Variants in KCNIP4 observed in about 807,000 individuals in gnomAD.
KCNIP4 encodes the protein Kv channel-interacting protein 4.
A neutral mutation model predicts 34.0 loss-of-function variants in KCNIP4; 12 were observed. The ratio of observed to expected loss-of-function variants is 0.35; its 90% CI spans 0.23 to 0.57. The LOEUF is 0.57. Among genes scored for constraint, KCNIP4 ranks in the 20% least tolerant of loss-of-function variants. The pLI is 0.83. For missense variants in KCNIP4, 238 were observed against 311.7 expected (o/e 0.76, Z 1.78); for synonymous variants, 124 against 102.2 (o/e 1.21, Z -1.29).
chr4:21,348,668 G>C (rs1281504194), intron 1 of KCNIP4, among the ~76,000 whole-genome samples: 1 of 152,150 alleles, frequency 6.6e-6, no homozygotes, highest in East Asian at 1.9e-4. Context: ...TTATAAATGA[G>C]AAGCCCAAAT....
At chr4:21,088,653 A>G (rs1417231110) in intron 1 of KCNIP4, among the ~76,000 whole-genome samples, 4 of 152,030 alleles carry the variant, frequency 2.6e-5, no homozygotes, top group Admixed American at 6.6e-5. Context: ...GTGCCATGAA[A>G]CAGGCCTGGA....
At chr4:20,949,562 T>C (rs1560593950) in intron 1 of KCNIP4, among the ~76,000 whole-genome samples, 1 of 152,084 alleles carries the variant, frequency 6.6e-6, no homozygotes, top group Non-Finnish European at 1.5e-5. Flanking sequence ...TGCACATGTA[T>C]GTTTATCGCG....
intron 1 of KCNIP4, among the ~76,000 whole-genome samples, chr4:21,603,750 G>A (rs1048540327): frequency 3.3e-5 from 5 of 151,756 alleles, no homozygotes; most frequent in African/African-American, 1.2e-4. Flanking sequence ...GACTAGCGAT[G>A]TGTCTTTCAA....
chr4:21,421,936 T>G (rs1044681959), intron 1 of KCNIP4, among the ~76,000 whole-genome samples: 1 of 152,214 alleles, frequency 6.6e-6, no homozygotes, highest in African/African-American at 2.4e-5. Flanking sequence ...TCATATTTCT[T>G]CTATCATATT....
At chr4:21,112,294 C>T (rs1323555915) in intron 1 of KCNIP4, among the ~76,000 whole-genome samples, 5 of 152,124 alleles carry the variant, frequency 3.3e-5, no homozygotes, top group African/African-American at 7.2e-5. Flanking sequence ...GAAATTTCTG[C>T]AGCGTTGGAC....
chr4:20,772,085 C>T (rs561615920), intron 3 of KCNIP4, among the ~76,000 whole-genome samples: 2 of 152,180 alleles, frequency 1.3e-5, no homozygotes, highest in African/African-American at 2.4e-5. Context: ...TGTTTTACCA[C>T]ACAATGTTTA....
chr4:21,653,510 C>G (rs1747676177), intron 1 of KCNIP4, among the ~76,000 whole-genome samples: 1 of 152,170 alleles, frequency 6.6e-6, no homozygotes, highest in South Asian at 2.1e-4. Context: ...TATACAAACA[C>G]ATACATACAT....
chr4:21,468,594 G>A (rs1577410622), intron 1 of KCNIP4, among the ~76,000 whole-genome samples: 1 of 152,134 alleles, frequency 6.6e-6, no homozygotes, highest in Admixed American at 6.5e-5. Context: ...CTGGGGACGA[G>A]TCATACTAGT....
In KCNIP4 at chr4:20,748,598, ATATATATTC is replaced by A. The variant is rs1309776660; in HGVS notation, c.429+1055_429+1063del. On this transcript the variant is annotated intron_variant, in intron 5 of 8. Transcript: ENST00000382152. ...TATATATATATATATATATATATAT[ATATATATTC>A]CATAAGTAAATATAAATGTATATAT... 8.8e-4 allele frequency among the ~76,000 whole-genome samples: 91 copies of A among 103,186 alleles called. 1 individual carries two copies. The highest frequency in any genetic ancestry group is 6.7e-3 in the South Asian group (21 of 3,150). The allele number at this position is 103,186 out of a possible 152,430, so 67.7% of individuals were successfully genotyped here. A position where few individuals can be genotyped will look rare whatever the true frequency, so the allele number is the denominator to read the frequency against.
chr4:21,385,147 T>C (rs1721904345), intron 1 of KCNIP4, among the ~76,000 whole-genome samples: 1 of 152,162 alleles, frequency 6.6e-6, no homozygotes, highest in South Asian at 2.1e-4. Flanking sequence ...GTAATGGCAT[T>C]CAGAGTTTTG....
chr4:21,519,714 A>ATATACACACGTGTGTGTATGTATGTG (rs1560480858), intron 1 of KCNIP4, among the ~76,000 whole-genome samples: 11 of 116,168 alleles, frequency 9.5e-5, no homozygotes, highest in East Asian at 3.1e-4. Flanking sequence ...ATGTATGTGT[A>ATATACACACGTGTGTGTATGTATGTG]TATATACACA....
At chr4:20,810,450 G>C (rs909570972) in intron 3 of KCNIP4, among the ~76,000 whole-genome samples, 2 of 131,492 alleles carry the variant, frequency 1.5e-5, no homozygotes, top group Admixed American at 8.3e-5. Flanking sequence ...TACAGGGCAG[G>C]GGGGAGGAAG....
chr4:21,547,236 T>G (rs1416209758), intron 1 of KCNIP4, among the ~76,000 whole-genome samples: 1 of 152,086 alleles, frequency 6.6e-6, no homozygotes, highest in African/African-American at 2.4e-5. Flanking sequence ...TACTTGGAAT[T>G]GCAAGCCCAC....
At chr4:21,128,669 G>T (rs1750815027) in intron 1 of KCNIP4, among the ~76,000 whole-genome samples, 1 of 152,162 alleles carries the variant, frequency 6.6e-6, no homozygotes, top group African/African-American at 2.4e-5. Flanking sequence ...AGAGCTATTT[G>T]TACTTTCTTG....
chr4:20,923,407 G>T (rs150874828), intron 1 of KCNIP4, among the ~76,000 whole-genome samples: 1 of 152,158 alleles, frequency 6.6e-6, no homozygotes, highest in Non-Finnish European at 1.5e-5. Context: ...TGAGAATGAG[G>T]TATCTGCAGT....
intron 3 of KCNIP4, among the ~76,000 whole-genome samples, chr4:20,781,156 AT>A (rs781734034): frequency 6.6e-6 from 1 of 152,226 alleles, no homozygotes; most frequent in Non-Finnish European, 1.5e-5. Flanking sequence ...GTAGAGCATT[AT>A]TTTAAAGACC....
At chr4:21,843,504 C>A (rs1004948970) in intron 1 of KCNIP4, 1 of 152,028 alleles carries the variant, frequency 6.6e-6, no homozygotes, top group Non-Finnish European at 1.5e-5. Flanking sequence ...ATTTTTCTGA[C>A]CTTCCCTTGA....
intron 1 of KCNIP4, among the ~76,000 whole-genome samples, chr4:21,296,619 A>C (rs1343975412): frequency 6.6e-6 from 1 of 151,884 alleles, no homozygotes; most frequent in African/African-American, 2.4e-5. Context: ...CAATGTCTAC[A>C]GCCAAGGTGT....
At chr4:21,758,565 C>A (rs1344289716) in intron 1 of KCNIP4, among the ~76,000 whole-genome samples, 1 of 152,192 alleles carries the variant, frequency 6.6e-6, no homozygotes, top group Non-Finnish European at 1.5e-5. Context: ...AATAGGCATA[C>A]TTTGTTCTTT....
Sources: gnomAD v4.1 joint callset for allele counts (sites outside exome capture counted in the v4.1 genomes callset) on GRCh38, gnomAD v4.1.1 for gene constraint, MANE v1.5 for transcripts, NCBI Gene and HGNC (gene_info 2026-07-23, HGNC 2026-07-21) for gene names.